Variants in MED24 observed in about 807,000 individuals in gnomAD.
The protein encoded by MED24 is mediator of RNA polymerase II transcription subunit 24.
In MED24, 74 loss-of-function variants were observed where a neutral mutation model predicts 118.8. That is an observed-to-expected ratio of 0.62 (90% confidence interval 0.52 to 0.76). The LOEUF is 0.76. Among genes scored for constraint, MED24 ranks in the 30% least tolerant of loss-of-function variants. MED24 has a pLI of 0.00. For missense variants in MED24, 1,041 were observed against 1,278.9 expected (o/e 0.81, Z 2.84); for synonymous variants, 521 against 523.9 (o/e 0.99, Z 0.08).
intron 1 of MED24, 111 bp from the exon 2 acceptor site, chr17:40,053,746 A>C: frequency 7.2e-7 from 1 of 1,398,270 alleles, no homozygotes; most frequent in Non-Finnish European, 9.8e-7. Flanking sequence ...TAAGCGAGAC[A>C]GAGGAATTTG....
chr17:40,028,076 T>C lies in MED24; in HGVS notation c.1410-130A>G, dbSNP rs574829029. The C allele has an allele frequency of 8.0e-5, 75 of 933,728 alleles. 1 individual carries two copies. The South Asian group carries it at 9.6e-4, about 12-fold the overall frequency. 57.8% of individuals were successfully genotyped at this position (933,728 alleles called of 1,614,324 possible). Reference sequence around the variant, plus strand: ...CTGGTTAAACTTAAAATGAGACACATTGCTATAGAAAAAAGGTTTTTGTGG... The same window carrying C: ...CTGGTTAAACTTAAAATGAGACACACTGCTATAGAAAAAAGGTTTTTGTGG... On this transcript the variant is annotated intron_variant, in intron 14 of 25. Transcript: ENST00000394128.
In MED24 at chr17:40,026,082, G is replaced by T. The variant is rs561241684; in HGVS notation, c.1985+74C>A. On this transcript the variant is annotated intron_variant, in intron 19 of 25. Transcript: ENST00000394128. Reference sequence around the variant, plus strand: ...GTTTGCGAAGGTCAGAAAAGAGAGGGGTGCTTGTTATTGGATGTGCTGACT... The same window carrying T: ...GTTTGCGAAGGTCAGAAAAGAGAGGTGTGCTTGTTATTGGATGTGCTGACT... 48 of 1,470,142 alleles carry T rather than the reference G, an allele frequency of 3.3e-5. No homozygotes were observed. In the Admixed American group the frequency reaches 7.3e-4, roughly 22 times the overall value. 91.1% of individuals were successfully genotyped at this position (1,470,142 alleles called of 1,614,324 possible).
chr17:40,050,403 C>T (rs142796591), intron 3 of MED24, among the ~76,000 whole-genome samples: 11 of 152,088 alleles, frequency 7.2e-5, no homozygotes, highest in African/African-American at 1.9e-4. Flanking sequence ...GCAGAGATCA[C>T]GCCACTGCAC....
At chr17:40,042,462 C>T (rs1252300447) in intron 3 of MED24, among the ~76,000 whole-genome samples, 1 of 152,126 alleles carries the variant, frequency 6.6e-6, no homozygotes, top group Non-Finnish European at 1.5e-5. Flanking sequence ...ATTATGAGGT[C>T]GGGAGTTCAA....
intron 3 of MED24, among the ~76,000 whole-genome samples, chr17:40,047,682 A>G (rs1301506158): frequency 6.7e-6 from 1 of 148,334 alleles, no homozygotes; most frequent in Non-Finnish European, 1.5e-5. Context: ...ACAAAAAAAC[A>G]AAAAACAAAA....
chr17:40,027,025 A>T lies in MED24; in HGVS notation c.1540T>A (p.Ser514Thr). ...ACCTCAGCTCCTGTGCGCGACTCGG[A>T]CAGAATCACCTGGGAAAGGGGAAGG... Reference protein sequence around the residue: ...AQTYGSEVILSESRTGAEVPF... With the variant: ...AQTYGSEVILTESRTGAEVPF... The change falls in exon 17 of 26, where the codon TCC becomes ACC. Residue 514 changes from serine to threonine, a missense_variant. By Grantham distance (58) the Ser-to-Thr change is moderately conservative (BLOSUM62 1). Coordinates refer to ENST00000394128, the MANE Select transcript of MED24 (RefSeq NM_014815.4). The T allele has an allele frequency of 6.2e-7, 1 of 1,614,032 alleles. No individual in the cohort carries two copies. The highest frequency in any genetic ancestry group is 1.1e-5 in the South Asian group (1 of 91,076).
rs1407985673 is a variant in MED24, at chr17:40,025,882, A to G, written c.1985+274T>C. On this transcript the variant is annotated intron_variant, in intron 19 of 25. Transcript: ENST00000394128. ...AGTCACACAGCTTTGTTCTTTTGGGAGCTAGTTGTCTAGAACTTGAGTCTC... is the reference window on the plus strand; with the variant it reads ...AGTCACACAGCTTTGTTCTTTTGGGGGCTAGTTGTCTAGAACTTGAGTCTC... 2.6e-5 allele frequency among the ~76,000 whole-genome samples: 4 copies of G among 152,110 alleles called. No individual in the cohort carries two copies. In the East Asian group the frequency reaches 5.8e-4, roughly 22 times the overall value.
At chr17:40,054,151 G>C (rs1402070529) in intron 1 of MED24, 1 of 186,584 alleles carries the variant, frequency 5.4e-6, no homozygotes, top group African/African-American at 2.4e-5. Flanking sequence ...AATGAATAAA[G>C]AAGTATCAAA....
intron 9 of MED24, 64 bp downstream of exon 9, chr17:40,032,585 G>A (rs1983514245): frequency 2.3e-6 from 3 of 1,312,478 alleles, no homozygotes; most frequent in Non-Finnish European, 3.2e-6. Context: ...AAAGGTCCAG[G>A]GTGCCACTGG....
At chr17:40,037,410 G>T (rs1340506746) in intron 3 of MED24, among the ~76,000 whole-genome samples, 2 of 152,046 alleles carry the variant, frequency 1.3e-5, no homozygotes, top group African/African-American at 4.8e-5. Context: ...ATCATTACAC[G>T]GCGGGTGCCT....
intron 3 of MED24, among the ~76,000 whole-genome samples, chr17:40,046,950 A>T (rs1416569689): frequency 6.6e-6 from 1 of 152,052 alleles, no homozygotes; most frequent in Non-Finnish European, 1.5e-5. Context: ...TTACAAAAAA[A>T]TTTAAAAATT....
intron 12 of MED24, among the ~76,000 whole-genome samples, chr17:40,030,578 C>T (rs1983238693): frequency 6.6e-6 from 1 of 152,112 alleles, no homozygotes; most frequent in Non-Finnish European, 1.5e-5. Flanking sequence ...CAGGTGTGAG[C>T]CACCGCAGCC....
At chr17:40,046,087 ATTT>A (rs1203333557) in intron 3 of MED24, among the ~76,000 whole-genome samples, 3 of 123,830 alleles carry the variant, frequency 2.4e-5, no homozygotes, top group African/African-American at 3.0e-5. Flanking sequence ...TCTAAAAAAA[ATTT>A]TTTTTTTTTT....
chr17:40,020,925 T>C (rs962409294), intron 23 of MED24, among the ~76,000 whole-genome samples: 44 of 151,922 alleles, frequency 2.9e-4, no homozygotes, highest in African/African-American at 1.1e-3. Context: ...ATACAAAAAT[T>C]AGCCAGGCGT....
In MED24 at chr17:40,033,140, G is replaced by C; in HGVS notation, c.738C>G (p.Ala246=). ...MHKTGFPTVH[A]VILLEGTMNL... ...TCATGGTGCCCTCGAGCAGGATCACGGCGTGGACAGTGGGGAAGCCGGTCT... is the reference window on the plus strand; with the variant it reads ...TCATGGTGCCCTCGAGCAGGATCACCGCGTGGACAGTGGGGAAGCCGGTCT... Residue 246 remains alanine (A), a synonymous_variant, in exon 8 of 26, where the codon GCC becomes GCG. Transcript: ENST00000394128. This position sits in a 1 kb window ranked among gnomAD's most constrained non-coding sequence, Gnocchi z 5.2. 6.2e-7 allele frequency: 1 copy of C among 1,614,146 alleles called. No individual in the cohort carries two copies. The highest frequency in any genetic ancestry group is 8.5e-7 in the Non-Finnish European group (1 of 1,180,040).
In MED24 at chr17:40,027,373, CCT is replaced by C. The variant is rs1209909682; in HGVS notation, c.1530+8_1530+9del. 1 of 1,611,558 alleles carries C rather than the reference CCT, an allele frequency of 6.2e-7. No homozygotes were observed. Among genetic ancestry groups the C allele is most frequent in the African/African-American group, 1.3e-5 (1 of 74,840 alleles). On this transcript the variant is annotated splice_region_variant and intron_variant, in intron 16 of 25. Transcript: ENST00000394128. ...CTTGAGCCCCCGTCCCGGTCGCTCC[CCT>C]CTCTCACCTCTGAACCATAGGTCTG...
intron 12 of MED24, among the ~76,000 whole-genome samples, chr17:40,030,609 TGCTCTGAAAGCACATTTAAGATTAAA>T (rs1269654697): frequency 1.3e-5 from 2 of 152,008 alleles, no homozygotes; most frequent in African/African-American, 2.4e-5. Flanking sequence ...TAGTCTTAAA[TGCTCTGAAAGCACATTTAAGATTAAA>T]GGAAGATTCA....
chr17:40,028,109 TTTTTG>T, intron 14 of MED24, 163 bp from the exon 15 acceptor site: 1 of 723,766 alleles, frequency 1.4e-6, no homozygotes, highest in Non-Finnish European at 2.3e-6. Context: ...TGGTTTTTGT[TTTTTG>T]TTTTTTTTTT....
chr17:40,043,922 G>C (rs894772726), intron 3 of MED24, among the ~76,000 whole-genome samples: 2 of 134,514 alleles, frequency 1.5e-5, no homozygotes, highest in African/African-American at 5.5e-5. Context: ...TTAAATATTA[G>C]GTTCGAGACC....
Sources: gnomAD v4.1 joint callset for allele counts (sites outside exome capture counted in the v4.1 genomes callset) on GRCh38, gnomAD v4.1.1 for gene constraint, Gnocchi (gnomAD v3.1) non-coding constraint, MANE v1.5 for transcripts, NCBI Gene and HGNC (gene_info 2026-07-23, HGNC 2026-07-21) for gene names.